Variants in ATP2A3 observed in about 807,000 individuals in gnomAD.
ATP2A3 encodes the protein sarcoplasmic/endoplasmic reticulum calcium ATPase 3.
In ATP2A3, 61 loss-of-function variants were observed where a neutral mutation model predicts 106.8. The observed-to-expected ratio is 0.57, with a 90% CI of 0.46 to 0.71. The LOEUF is 0.71. Ranked by LOEUF, ATP2A3 falls within the 30% of genes least tolerant of loss-of-function variation. The pLI, the probability that ATP2A3 is intolerant of heterozygous loss-of-function variation, is 0.00. For missense variants in ATP2A3, 1,201 were observed against 1,423.5 expected (o/e 0.84, Z 2.52); for synonymous variants, 611 against 609.3 (o/e 1.00, Z -0.04).
intron 17 of ATP2A3, among the ~76,000 whole-genome samples, chr17:3,931,316 T>C (rs1446896721): frequency 1.3e-5 from 2 of 152,066 alleles, no homozygotes; most frequent in Non-Finnish European, 2.9e-5. Flanking sequence ...ATAACCCCTA[T>C]AGCCTCAGGG....
At chr17:3,927,400 C>A in intron 20 of ATP2A3, 1 of 985,472 alleles carries the variant, frequency 1.0e-6, no homozygotes, top group Middle Eastern at 5.2e-4. Context: ...GACAAGCCAC[C>A]TGAGCTGTCA....
At chr17:3,963,556 AG>A (rs1164781607) in intron 1 of ATP2A3, among the ~76,000 whole-genome samples, 1 of 152,232 alleles carries the variant, frequency 6.6e-6, no homozygotes, top group Non-Finnish European at 1.5e-5. Context: ...CAGTTCCCTG[AG>A]GCCTTGACTC....
intron 1 of ATP2A3, among the ~76,000 whole-genome samples, chr17:3,957,580 G>T (rs1157657955): frequency 6.6e-6 from 1 of 152,180 alleles, no homozygotes; most frequent in Non-Finnish European, 1.5e-5. Flanking sequence ...GCCTGCTCAG[G>T]CCTGATCTGC....
chr17:3,945,227 G>A, intron 8 of ATP2A3, 79 bp from the exon 9 acceptor site: 1 of 1,391,894 alleles, frequency 7.2e-7, no homozygotes, highest in Non-Finnish European at 9.8e-7. Flanking sequence ...CCAGGGTGGG[G>A]TCCTGCAGGC....
Position 3,941,314 on chromosome 17 carries a change from G to A in ATP2A3, c.1765-8C>T, listed in dbSNP as rs918768302. 2.5e-6 allele frequency: 4 copies of A among 1,613,664 alleles called. No individual in the cohort carries two copies. The highest frequency in any genetic ancestry group is 3.4e-6 in the Non-Finnish European group (4 of 1,179,854). ...CACGAAGGTCAGGTCCGTCTGTAGG[G>A]AGGGGGCAGATTCAAGCGGGGCCTG... On this transcript the variant is annotated splice_region_variant and splice_polypyrimidine_tract_variant and intron_variant, in intron 13 of 20. Coordinates refer to ENST00000397041, the MANE Select transcript of ATP2A3 (RefSeq NM_005173.4).
At position 3,953,626 on chromosome 17, in the gene ATP2A3, G is replaced by T; in HGVS notation, c.136+67C>A. 6.4e-7 allele frequency: 1 copy of T among 1,551,292 alleles called. No homozygotes were observed. The highest frequency in any genetic ancestry group is 1.2e-5 in the South Asian group (1 of 84,480). On this transcript the variant is annotated intron_variant, in intron 2 of 20. Transcript: ENST00000397041. This position sits in a 1 kb window ranked among gnomAD's most constrained non-coding sequence, Gnocchi z 5.1. ...CACTCAGCGGGGAGAAGGAAGTCATGACCAGACAGAGAACGACCCAGGGAT... is the reference window on the plus strand; with the variant it reads ...CACTCAGCGGGGAGAAGGAAGTCATTACCAGACAGAGAACGACCCAGGGAT...
chr17:3,931,188 G>A (rs1320256005), intron 17 of ATP2A3, among the ~76,000 whole-genome samples: 1 of 151,744 alleles, frequency 6.6e-6, no homozygotes, highest in Non-Finnish European at 1.5e-5. Context: ...CTCCATTTCT[G>A]CCACTGAAAC....
chr17:3,951,799 G>C (rs2054463745), intron 3 of ATP2A3, 114 bp from the exon 4 acceptor site: 1 of 1,086,536 alleles, frequency 9.2e-7, no homozygotes, highest in African/African-American at 1.6e-5. Flanking sequence ...GATAGCACTG[G>C]GGAGCTCTTG....
Position 3,925,335 on chromosome 17 carries a change from G to A in ATP2A3, c.*87C>T, listed in dbSNP as rs1298920093. The A allele has an allele frequency of 6.2e-7, 1 of 1,610,420 alleles. No homozygotes were observed. The highest frequency in any genetic ancestry group is 8.5e-7 in the Non-Finnish European group (1 of 1,177,906). On this transcript the variant is annotated 3_prime_UTR_variant, in exon 21 of 21. Coordinates refer to ENST00000397041, the MANE Select transcript of ATP2A3 (RefSeq NM_005173.4). This position sits in a 1 kb window ranked among gnomAD's most constrained non-coding sequence, Gnocchi z 4.2. ...GGACCCGGTGGGCAAGTGGGCGAGT[G>A]TGGTGGCAAGGGTGGGGGGCGGAGG...
In ATP2A3 at chr17:3,941,586, G is replaced by A. The variant is rs755742221; in HGVS notation, c.1614C>T (p.Thr538=). The A allele has an allele frequency of 1.9e-6, 3 of 1,613,100 alleles. No individual in the cohort carries two copies. The highest frequency in any genetic ancestry group is 1.1e-5 in the South Asian group (1 of 91,090). ...CCAGGATCTGCTCCCTGGAGGTGGG[G>A]GTCAGGGGTGCTGTGCGGCTCCCCA... is the stretch of plus-strand genomic sequence containing the variant. ...VRVGSRTAPL[T]PTSREQILAK... The change falls in exon 13 of 21, where the codon ACC becomes ACT. Residue 538 remains threonine, a synonymous_variant. Transcript: ENST00000397041.
intron 20 of ATP2A3, chr17:3,927,797 G>T (rs1204514868): frequency 1.0e-5 from 10 of 985,304 alleles, no homozygotes; most frequent in South Asian, 4.7e-5. Flanking sequence ...AATGACAGAC[G>T]CGTGATCTAT....
chr17:3,925,092 G>T lies in ATP2A3; in HGVS notation c.*330C>A. On this transcript the variant is annotated 3_prime_UTR_variant, in exon 21 of 21. Coordinates refer to ENST00000397041, the MANE Select transcript of ATP2A3 (RefSeq NM_005173.4). This position sits in a 1 kb window ranked among gnomAD's most constrained non-coding sequence, Gnocchi z 4.2. ...CTGCACTCGTGATTTGGGGGTGGGG[G>T]GGCCCCGGATCTCTGGGTATGCTGC... is the stretch of plus-strand genomic sequence containing the variant. 1 of 531,034 alleles carries T rather than the reference G, an allele frequency of 1.9e-6. No individual in the cohort carries two copies. The highest frequency in any genetic ancestry group is 3.4e-6 in the Non-Finnish European group (1 of 293,252). 32.9% of individuals were successfully genotyped at this position (531,034 alleles called of 1,614,324 possible).
In ATP2A3 at chr17:3,953,331, G is replaced by T; in HGVS notation, c.219+16C>A. On this transcript the variant is annotated intron_variant, in intron 3 of 20. Transcript: ENST00000397041. This position sits in a 1 kb window ranked among gnomAD's most constrained non-coding sequence, Gnocchi z 5.1. The stretch of plus-strand genomic sequence containing the variant: ...GCTACCGACTACCACAGGATGGCTG[G>T]CAGGGCCCTACTTACAAAGGAGACA... 6.2e-7 allele frequency: 1 copy of T among 1,613,138 alleles called. No homozygotes were observed. The highest frequency in any genetic ancestry group is 8.5e-7 in the Non-Finnish European group (1 of 1,179,362).
intron 1 of ATP2A3, among the ~76,000 whole-genome samples, chr17:3,958,789 T>TATAC (rs1555566827): frequency 0.11 from 10,154 of 90,742 alleles, 585 homozygotes; most frequent in African/African-American, 0.18. Flanking sequence ...CACATATATA[T>TATAC]ACACATATAT....
At position 3,942,434 on chromosome 17, in the gene ATP2A3, C is replaced by T. The variant is rs142754415; in HGVS notation, c.1545+172G>A. Among the ~76,000 whole-genome samples the T allele has an allele frequency of 4.7e-3, 715 of 152,276 alleles. 3 individuals are homozygous for T. Among genetic ancestry groups the T allele is most frequent in the Non-Finnish European group, 7.5e-3 (508 of 68,026 alleles). The stretch of plus-strand genomic sequence containing the variant: ...GACTCAGTTTCCAAAACACAGAGCA[C>T]CAAGGGTGGCACCAACCACCCCTAC... On this transcript the variant is annotated intron_variant, in intron 12 of 20. Transcript: ENST00000397041.
rs745383356 is a variant in ATP2A3, at chr17:3,924,767, G to C, written c.*655C>G. ...CGCTCCGCCCTCCTGCCGGCTCCTT[G>C]TGTCCGTCTCTCTGACCCTTCACCC... On this transcript the variant is annotated 3_prime_UTR_variant, in exon 21 of 21. Transcript: ENST00000397041. The surrounding 1 kb of genome is among the most constrained non-coding windows in gnomAD (Gnocchi z 6.4). The C allele has an allele frequency of 4.4e-6, 2 of 456,652 alleles. No homozygotes were observed. Among genetic ancestry groups the C allele is most frequent in the South Asian group, 3.1e-5 (2 of 64,568 alleles). The allele number at this position is 456,652 out of a possible 1,614,324, so 28.3% of individuals were successfully genotyped here.
rs773914990 is a variant in ATP2A3 at position 3,925,388 on chromosome 17, G to A, written c.*34C>T. 3.1e-6 allele frequency: 5 copies of A among 1,613,696 alleles called. No individual in the cohort carries two copies. The highest frequency in any genetic ancestry group is 4.5e-5 in the East Asian group (2 of 44,888). On this transcript the variant is annotated 3_prime_UTR_variant, in exon 21 of 21. Transcript: ENST00000397041. The surrounding 1 kb of genome is among the most constrained non-coding windows in gnomAD (Gnocchi z 4.2). ...AACACATGGGCACCATCAGTCTGAG[G>A]TACACACCGGAGACTCCACTCTGTT...
chr17:3,958,941 G>C (rs1015146607), intron 1 of ATP2A3, among the ~76,000 whole-genome samples: 3 of 149,804 alleles, frequency 2.0e-5, no homozygotes, highest in East Asian at 3.9e-4. Flanking sequence ...GCCCAGGCTG[G>C]AGTGCGGTGG....
chr17:3,933,255 T>C (rs1203221127), intron 17 of ATP2A3, among the ~76,000 whole-genome samples: 1 of 151,114 alleles, frequency 6.6e-6, no homozygotes, highest in Admixed American at 6.6e-5. Context: ...CACTCCAGCC[T>C]GGGTGACAGA....
Sources: allele counts gnomAD v4.1 joint callset (sites outside exome capture counted in the v4.1 genomes callset), GRCh38; gene constraint gnomAD v4.1.1; non-coding constraint Gnocchi (gnomAD v3.1); transcripts MANE v1.5; gene names NCBI Gene and HGNC (gene_info 2026-07-23, HGNC 2026-07-21).